The following CSMD1 variants were observed in gnomAD, a reference collection of about 807,000 sequenced individuals.
CSMD1 encodes the protein CUB and sushi domain-containing protein 1.
In CSMD1, 213 loss-of-function variants were observed where a neutral mutation model predicts 417.5. The ratio of observed to expected loss-of-function variants is 0.51; its 90% CI spans 0.46 to 0.57. The LOEUF is 0.57. Among genes scored for constraint, CSMD1 ranks in the 20% least tolerant of loss-of-function variants. The probability of loss-of-function intolerance (pLI) is 0.00; values close to 1 mark genes in which losing one functional copy is unlikely to be tolerated. For missense variants in CSMD1, 6,923 were observed against 4,529.7 expected (o/e 1.53, Z -15.17); for synonymous variants, 2,862 against 1,736.8 (o/e 1.65, Z -16.11).
At chr8:3,288,220 G>A (rs1803297237) in intron 25 of CSMD1, among the ~76,000 whole-genome samples, 1 of 147,266 alleles carries the variant, frequency 6.8e-6, no homozygotes, top group Admixed American at 6.7e-5. Flanking sequence ...TTTTATTGAG[G>A]ATTTTTGCAT....
At chr8:4,395,597 G>A (rs1258228579) in intron 3 of CSMD1, among the ~76,000 whole-genome samples, 2 of 151,832 alleles carry the variant, frequency 1.3e-5, no homozygotes, top group African/African-American at 4.8e-5. Context: ...TAGATTTCAG[G>A]ATAAAATTAT....
chr8:3,314,600 G>C (rs906505199), intron 23 of CSMD1, among the ~76,000 whole-genome samples: 4 of 152,142 alleles, frequency 2.6e-5, no homozygotes, highest in African/African-American at 9.7e-5. Context: ...GTTTTCTAGT[G>C]ATTTCATTTT....
At chr8:4,127,006 G>A (rs1032784405) in intron 3 of CSMD1, among the ~76,000 whole-genome samples, 6 of 152,040 alleles carry the variant, frequency 3.9e-5, no homozygotes, top group African/African-American at 1.2e-4. Context: ...GAGAGCCACT[G>A]GCCTACAAAA....
intron 1 of CSMD1, among the ~76,000 whole-genome samples, chr8:4,986,363 T>G (rs1464524903): frequency 6.6e-6 from 1 of 152,230 alleles, no homozygotes; most frequent in Non-Finnish European, 1.5e-5. Flanking sequence ...ATTACTCATT[T>G]GTTAGAGATC....
intron 1 of CSMD1, among the ~76,000 whole-genome samples, chr8:4,722,465 G>T (rs1182269640): frequency 6.6e-6 from 1 of 152,166 alleles, no homozygotes; most frequent in Non-Finnish European, 1.5e-5. Flanking sequence ...TTGTACTGCA[G>T]TCTGAAGTCA....
intron 2 of CSMD1, among the ~76,000 whole-genome samples, chr8:4,500,684 A>C (rs1219321550): frequency 1.3e-5 from 2 of 152,088 alleles, no homozygotes; most frequent in African/African-American, 4.8e-5. Flanking sequence ...ACACTGTGGG[A>C]GTGGTGGAGG....
intron 5 of CSMD1, among the ~76,000 whole-genome samples, chr8:3,789,289 C>T (rs116188264): frequency 1.3e-3 from 200 of 152,108 alleles, no homozygotes; most frequent in African/African-American, 4.7e-3. Flanking sequence ...TGTTTTCAAG[C>T]TTCCCAGTTT....
At chr8:4,196,125 G>C (rs1460061042) in intron 3 of CSMD1, among the ~76,000 whole-genome samples, 1 of 152,060 alleles carries the variant, frequency 6.6e-6, no homozygotes, top group Non-Finnish European at 1.5e-5. Flanking sequence ...GCAGGAGAAT[G>C]GCTTGAACCC....
At chr8:3,893,793 T>G (rs183462743) in intron 5 of CSMD1, among the ~76,000 whole-genome samples, 1 of 152,126 alleles carries the variant, frequency 6.6e-6, no homozygotes, top group South Asian at 2.1e-4. Context: ...GAATTTCCCC[T>G]ATAGAGAGCA....
chr8:3,989,448 C>G (rs752183675), intron 5 of CSMD1, among the ~76,000 whole-genome samples: 2 of 152,162 alleles, frequency 1.3e-5, no homozygotes, highest in Admixed American at 6.5e-5. Flanking sequence ...TCTTAGCATG[C>G]TGGAACGAGT....
chr8:3,999,273 G>A (rs966254846), intron 4 of CSMD1, among the ~76,000 whole-genome samples: 1 of 152,020 alleles, frequency 6.6e-6, no homozygotes, highest in Non-Finnish European at 1.5e-5. Flanking sequence ...TACCAAGATG[G>A]GGGGAGTTTG....
chr8:3,821,407 G>A lies in CSMD1; in HGVS notation c.819-67365C>T, dbSNP rs137942603. On this transcript the variant is annotated intron_variant, in intron 5 of 69. Transcript: ENST00000635120. ...TATGGCACCATCACCACACACACGC[G>A]CATGTGGATTATGCATTCTGCTATG... Among the ~76,000 whole-genome samples the A allele has an allele frequency of 1.4e-3, 214 of 152,260 alleles. 1 individual carries two copies. The highest frequency in any genetic ancestry group is 4.4e-3 in the Admixed American group (68 of 15,284).
chr8:3,586,005 A>G, intron 9 of CSMD1, 131 bp downstream of exon 9: 1 of 917,908 alleles, frequency 1.1e-6, no homozygotes, highest in Non-Finnish European at 1.6e-6. Flanking sequence ...CCACATCACT[A>G]TGAAAACATA....
intron 3 of CSMD1, among the ~76,000 whole-genome samples, chr8:4,181,052 G>A (rs948693144): frequency 6.6e-6 from 1 of 152,062 alleles, no homozygotes; most frequent in Non-Finnish European, 1.5e-5. Flanking sequence ...AAACTAAAGA[G>A]TCTCCAAATA....
intron 25 of CSMD1, among the ~76,000 whole-genome samples, chr8:3,288,241 C>G (rs904049832): frequency 2.7e-5 from 4 of 147,198 alleles, no homozygotes; most frequent in Non-Finnish European, 5.9e-5. Flanking sequence ...CGATGTTCAT[C>G]AGGGATATTG....
At chr8:3,900,380 C>A (rs1394357825) in intron 5 of CSMD1, among the ~76,000 whole-genome samples, 1 of 148,586 alleles carries the variant, frequency 6.7e-6, no homozygotes, top group African/African-American at 2.5e-5. Flanking sequence ...TGTGACAGTG[C>A]AGCTGGGTGA....
At chr8:4,319,969 C>A (rs1421665407) in intron 3 of CSMD1, among the ~76,000 whole-genome samples, 1 of 151,962 alleles carries the variant, frequency 6.6e-6, no homozygotes, top group African/African-American at 2.4e-5. Context: ...TTTTTACAGG[C>A]AGAGTGGAAA....
At chr8:4,401,939 C>T (rs1040523305) in intron 3 of CSMD1, among the ~76,000 whole-genome samples, 1 of 152,072 alleles carries the variant, frequency 6.6e-6, no homozygotes, top group Non-Finnish European at 1.5e-5. Flanking sequence ...TCCCACCCTG[C>T]TCTCCCGTGC....
intron 31 of CSMD1, among the ~76,000 whole-genome samples, chr8:3,204,547 G>C (rs753813448): frequency 6.6e-6 from 1 of 152,152 alleles, no homozygotes; most frequent in Non-Finnish European, 1.5e-5. Context: ...GGAACAGCAA[G>C]GTTTGGGGAG....
Sources: allele counts gnomAD v4.1 joint callset (sites outside exome capture counted in the v4.1 genomes callset), GRCh38; gene constraint gnomAD v4.1.1; transcripts MANE v1.5; gene names NCBI Gene and HGNC (gene_info 2026-07-23, HGNC 2026-07-21).